Variants in ECE1 observed in about 807,000 individuals in gnomAD.
The protein encoded by ECE1 is endothelin-converting enzyme 1.
Under a neutral mutation model 98.6 loss-of-function variants are expected in ECE1, and 35 were observed. The ratio of observed to expected loss-of-function variants is 0.35; its 90% CI spans 0.27 to 0.47. The LOEUF is 0.47. ECE1 is among the 20% of genes least tolerant of loss of function. The pLI is 1.00. For missense variants in ECE1, 814 were observed against 1,025.3 expected (o/e 0.79, Z 2.81); for synonymous variants, 394 against 407.1 (o/e 0.97, Z 0.39).
intron 1 of ECE1, among the ~76,000 whole-genome samples, chr1:21,304,258 G>C (rs965527860): frequency 2.1e-5 from 3 of 145,870 alleles, no homozygotes; most frequent in Non-Finnish European, 4.5e-5. Flanking sequence ...GGAGCTTGCA[G>C]TGAGCCGAGA....
chr1:21,219,851 G>T lies in ECE1; in HGVS notation c.*104C>A. 1.4e-6 allele frequency: 2 copies of T among 1,467,904 alleles called. No homozygotes were observed. The highest frequency in any genetic ancestry group is 1.9e-6 in the Non-Finnish European group (2 of 1,067,392). 90.9% of individuals were successfully genotyped at this position (1,467,904 alleles called of 1,614,324 possible). On this transcript the variant is annotated 3_prime_UTR_variant, in exon 19 of 19. Transcript: ENST00000374893. The surrounding 1 kb of genome is among the most constrained non-coding windows in gnomAD (Gnocchi z 4.5). ...GAAAACCCGCCAGTGTGAGGAAGCAGGGCCCCGGGTGGCCAAGCGGGCTGA... is the reference window on the plus strand; with the variant it reads ...GAAAACCCGCCAGTGTGAGGAAGCATGGCCCCGGGTGGCCAAGCGGGCTGA...
intron 4 of ECE1, among the ~76,000 whole-genome samples, chr1:21,267,801 G>A (rs1031459487): frequency 6.6e-6 from 1 of 152,160 alleles, no homozygotes; most frequent in Non-Finnish European, 1.5e-5. Flanking sequence ...ATATGCGCAG[G>A]AAGATGAAAC....
chr1:21,262,177 CAA>C (rs1453567124), intron 4 of ECE1, among the ~76,000 whole-genome samples: 1 of 152,096 alleles, frequency 6.6e-6, no homozygotes, highest in Non-Finnish European at 1.5e-5. Flanking sequence ...GACACAGAGA[CAA>C]GAGAGCCCCT....
intron 1 of ECE1, among the ~76,000 whole-genome samples, chr1:21,310,277 T>C (rs1638689308): frequency 6.6e-6 from 1 of 152,178 alleles, no homozygotes; most frequent in Non-Finnish European, 1.5e-5. Context: ...TCTCTGAGAT[T>C]AGACATCCTT....
intron 1 of ECE1, among the ~76,000 whole-genome samples, chr1:21,329,630 T>G (rs545136315): frequency 6.6e-6 from 1 of 152,222 alleles, no homozygotes; most frequent in Non-Finnish European, 1.5e-5. Context: ...ACAGTTCATG[T>G]GCTCGGGGCA....
chr1:21,286,519 C>A (rs1025716520), intron 2 of ECE1, among the ~76,000 whole-genome samples: 2 of 152,170 alleles, frequency 1.3e-5, no homozygotes, highest in Admixed American at 6.5e-5. Flanking sequence ...GGTCTCACAG[C>A]GCAGGAGAGA....
At chr1:21,332,360 T>C (rs1008546191) in intron 1 of ECE1, among the ~76,000 whole-genome samples, 3 of 151,880 alleles carry the variant, frequency 2.0e-5, no homozygotes, top group Non-Finnish European at 4.4e-5. Flanking sequence ...TGACATTTAT[T>C]AGGCACTTAG....
chr1:21,258,727 G>C lies in ECE1; in HGVS notation c.728C>G (p.Ala243Gly). 6.2e-7 allele frequency: 1 copy of C among 1,614,230 alleles called. No individual in the cohort carries two copies. Among genetic ancestry groups the C allele is most frequent in the Non-Finnish European group, 8.5e-7 (1 of 1,180,050 alleles). ...GTTGCTGTTGGAGTTCTTGGAATCGGCACTGACATAGACAGAGAAGAAGGG... is the reference window on the plus strand; with the variant it reads ...GTTGCTGTTGGAGTTCTTGGAATCGCCACTGACATAGACAGAGAAGAAGGG... ...TSPFFSVYVSADSKNSNSNVI... is the reference protein window; with the variant it reads ...TSPFFSVYVSGDSKNSNSNVI... The change falls in exon 6 of 19, where the codon GCC becomes GGC. Residue 243 changes from alanine to glycine, a missense_variant. Physicochemically the swap from Ala to Gly is moderately conservative, Grantham distance 60. Coordinates refer to ENST00000374893, the MANE Select transcript of ECE1 (RefSeq NM_001397.3). This position sits in a 1 kb window ranked among gnomAD's most constrained non-coding sequence, Gnocchi z 4.2.
At chr1:21,312,238 G>A (rs990116130) in intron 1 of ECE1, among the ~76,000 whole-genome samples, 5 of 144,214 alleles carry the variant, frequency 3.5e-5, no homozygotes, top group South Asian at 2.2e-4. Flanking sequence ...AGGAGTTCAA[G>A]ACCAGCCTGG....
chr1:21,269,891 G>C (rs1301769433), intron 4 of ECE1, among the ~76,000 whole-genome samples: 1 of 152,190 alleles, frequency 6.6e-6, no homozygotes, highest in Non-Finnish European at 1.5e-5. Context: ...CTTGGCCTCG[G>C]GGTCAGGGTT....
At chr1:21,276,997 C>T (rs932079537) in intron 3 of ECE1, among the ~76,000 whole-genome samples, 10 of 152,150 alleles carry the variant, frequency 6.6e-5, no homozygotes, top group South Asian at 2.1e-4. Context: ...GGATTACAGG[C>T]GTAAGCTACT....
chr1:21,260,626 G>A lies in ECE1; in HGVS notation c.494-234C>T, dbSNP rs763808486. ...TTGCTGACTGCAAAGAAAAAGAATC[G>A]ACCACGTTTCTCTCCCTCTGCCAGT... On this transcript the variant is annotated intron_variant, in intron 4 of 18. Coordinates refer to ENST00000374893, the MANE Select transcript of ECE1 (RefSeq NM_001397.3). The surrounding 1 kb of genome is among the most constrained non-coding windows in gnomAD (Gnocchi z 4.3). Among the ~76,000 whole-genome samples, 4 of 152,086 alleles carry A rather than the reference G, an allele frequency of 2.6e-5. No homozygotes were observed. The highest frequency in any genetic ancestry group is 7.2e-5 in the African/African-American group (3 of 41,402).
Position 21,319,021 on chromosome 1 carries a change from G to A in ECE1, c.3+26355C>T, listed in dbSNP as rs550938295. On this transcript the variant is annotated intron_variant, in intron 1 of 18. Transcript: ENST00000415912. The surrounding 1 kb of genome is among the most constrained non-coding windows in gnomAD (Gnocchi z 4.4). Reference sequence around the variant, plus strand: ...TGGAGCTGGGTCTGTACAATCTCCCGGGCTCCGTTTTCTCATCAGCTAAGT... The same window carrying A: ...TGGAGCTGGGTCTGTACAATCTCCCAGGCTCCGTTTTCTCATCAGCTAAGT... 8.5e-5 allele frequency among the ~76,000 whole-genome samples: 13 copies of A among 152,290 alleles called. No homozygotes were observed. Among genetic ancestry groups the A allele is most frequent in the African/African-American group, 2.4e-4 (10 of 41,566 alleles).
chr1:21,292,602 G>A (rs1240067506), upstream of ECE1, among the ~76,000 whole-genome samples: 1 of 152,154 alleles, frequency 6.6e-6, no homozygotes, highest in African/African-American at 2.4e-5. Flanking sequence ...AGAATCCACA[G>A]CTTTACTGGG....
At chr1:21,229,734 G>C (rs2098179328) in intron 14 of ECE1, among the ~76,000 whole-genome samples, 1 of 152,182 alleles carries the variant, frequency 6.6e-6, no homozygotes, top group Admixed American at 6.5e-5. Flanking sequence ...TATATTGGAA[G>C]TATAACCATT....
rs148984899 is a variant in ECE1 at position 21,239,671 on chromosome 1, C to T, written c.1279-1427G>A. ...CACCCAGCTGCACCAGCCTTGGGGG[C>T]TGGGGGCTGACAGGAAAGGGGCATG... is the stretch of plus-strand genomic sequence containing the variant. On this transcript the variant is annotated intron_variant, in intron 10 of 18. Transcript: ENST00000374893. 7.4e-3 allele frequency among the ~76,000 whole-genome samples: 1,131 copies of T among 152,262 alleles called. 20 individuals carry two copies. The highest frequency in any genetic ancestry group is 0.025 in the African/African-American group (1,046 of 41,562).
At position 21,238,214 on chromosome 1, in the gene ECE1, T is replaced by C. The variant is rs1412319296; in HGVS notation, c.1309A>G (p.Ser437Gly). ...TCLPRWKFCV[S>G]DTENNLGFAL... ...AAGCCCAGGTTGTTTTCTGTGTCAC[T>C]CACGCAAAACTTCCAGCGAGGAAGA... The change falls in exon 11 of 19, where the codon AGT becomes GGT. Residue 437 changes from serine (S) to glycine (G), a missense_variant. Coordinates refer to ENST00000374893, the MANE Select transcript of ECE1 (RefSeq NM_001397.3). The C allele has an allele frequency of 1.2e-6, 2 of 1,614,230 alleles. No homozygotes were observed. The highest frequency in any genetic ancestry group is 1.7e-6 in the Non-Finnish European group (2 of 1,180,036).
Position 21,219,539 on chromosome 1 carries a change from T to TA in ECE1, c.*415dup, listed in dbSNP as rs899474547. 7.0e-3 allele frequency: 1,355 copies of TA among 192,714 alleles called. No homozygotes were observed. Among genetic ancestry groups the TA allele is most frequent in the South Asian group, 0.022 (224 of 10,192 alleles). 11.9% of individuals were successfully genotyped at this position (192,714 alleles called of 1,614,324 possible). On this transcript the variant is annotated 3_prime_UTR_variant, in exon 19 of 19. Coordinates refer to ENST00000374893, the MANE Select transcript of ECE1 (RefSeq NM_001397.3). The surrounding 1 kb of genome is among the most constrained non-coding windows in gnomAD (Gnocchi z 4.5). ...ATAATAAATATACCAATTCTTTCCT[T>TA]AAAAAAAAAAGTGTTTAAATGTGTT...
intron 16 of ECE1, among the ~76,000 whole-genome samples, chr1:21,226,335 C>T (rs2098174207): frequency 6.6e-6 from 1 of 152,198 alleles, no homozygotes; most frequent in African/African-American, 2.4e-5. Context: ...ACACAGTCCT[C>T]CCAATCACCA....
Sources: allele counts gnomAD v4.1 joint callset (sites outside exome capture counted in the v4.1 genomes callset), GRCh38; gene constraint gnomAD v4.1.1; non-coding constraint Gnocchi (gnomAD v3.1); transcripts MANE v1.5; gene names NCBI Gene and HGNC (gene_info 2026-07-23, HGNC 2026-07-21).